OXR1: variants seen among roughly 807,000 people sequenced by gnomAD.
OXR1 encodes the protein oxidation resistance protein 1.
Under a neutral mutation model 104.6 loss-of-function variants are expected in OXR1, and 41 were observed. That is an observed-to-expected ratio of 0.39 (90% CI 0.31 to 0.51). The LOEUF (loss-of-function observed/expected upper bound fraction) is 0.51. Among genes scored for constraint, OXR1 ranks in the 20% least tolerant of loss-of-function variants. The probability of loss-of-function intolerance (pLI) is 0.77; values close to 1 mark genes in which losing one functional copy is unlikely to be tolerated. For missense variants in OXR1, 955 were observed against 1,031.9 expected, an observed-to-expected ratio of 0.93 and a Z score of 1.02; for synonymous variants, 348 against 348.4, an observed-to-expected ratio of 1.00 and a Z score of 0.01.
intron 14 of OXR1, 73 bp downstream of exon 14, chr8:106,740,568 A>G: frequency 8.1e-7 from 1 of 1,241,358 alleles, no homozygotes; most frequent in East Asian, 2.4e-5. Context: ...TATTTATTTG[A>G]TAAACATTAC....
intron 3 of OXR1, among the ~76,000 whole-genome samples, chr8:106,654,549 T>C (rs1462613755): frequency 6.6e-6 from 1 of 152,102 alleles, no homozygotes; most frequent in East Asian, 1.9e-4. Context: ...ATCAAAGACC[T>C]ATATAAGATC....
intron 11 of OXR1, among the ~76,000 whole-genome samples, chr8:106,725,070 A>G (rs1833196147): frequency 6.6e-6 from 1 of 152,134 alleles, no homozygotes; most frequent in Non-Finnish European, 1.5e-5. Flanking sequence ...GTAGAAGAGA[A>G]CTTTCCTGGT....
chr8:106,478,552 G>C (rs944756363), intron 2 of OXR1, among the ~76,000 whole-genome samples: 2 of 151,760 alleles, frequency 1.3e-5, no homozygotes, highest in African/African-American at 4.8e-5. Flanking sequence ...TATAAAAAAG[G>C]ATGAAGTGAA....
chr8:106,448,708 T>C (rs557102847), intron 2 of OXR1, among the ~76,000 whole-genome samples: 1 of 152,308 alleles, frequency 6.6e-6, no homozygotes, highest in East Asian at 1.9e-4. Flanking sequence ...ATTACAGGAA[T>C]AGGCCTCATT....
chr8:106,324,783 T>A (rs1433831336), intron 1 of OXR1, among the ~76,000 whole-genome samples: 2 of 152,108 alleles, frequency 1.3e-5, no homozygotes, highest in Non-Finnish European at 2.9e-5. Flanking sequence ...TTGGGCAAAC[T>A]TTTTTCTGCA....
At chr8:106,563,806 A>C (rs1467086999) in intron 3 of OXR1, among the ~76,000 whole-genome samples, 2 of 152,244 alleles carry the variant, frequency 1.3e-5, no homozygotes, top group Non-Finnish European at 2.9e-5. Flanking sequence ...ACCACAGTGC[A>C]ATCAAATTAG....
At chr8:106,739,211 C>T (rs1171216585) in intron 12 of OXR1, among the ~76,000 whole-genome samples, 1 of 151,978 alleles carries the variant, frequency 6.6e-6, no homozygotes, top group Non-Finnish European at 1.5e-5. Flanking sequence ...GGGGATTTAT[C>T]ATTCCTACCA....
At chr8:106,383,846 A>G (rs1189769138) in intron 2 of OXR1, among the ~76,000 whole-genome samples, 3 of 152,234 alleles carry the variant, frequency 2.0e-5, no homozygotes, top group Non-Finnish European at 4.4e-5. Flanking sequence ...TAGGATTAAA[A>G]AAATCACCAC....
intron 2 of OXR1, among the ~76,000 whole-genome samples, chr8:106,459,807 T>TAA (rs1401450293): frequency 2.0e-5 from 3 of 152,204 alleles, no homozygotes; most frequent in Admixed American, 6.5e-5. Context: ...ACTGTGTACT[T>TAA]ATTCACTAAT....
At chr8:106,684,380 A>G in intron 6 of OXR1, 21 bp downstream of exon 6, 2 of 1,164,190 alleles carry the variant, frequency 1.7e-6, no homozygotes, top group East Asian at 2.3e-5. Flanking sequence ...CTGCTTTGCA[A>G]AGATGGCGAT....
intron 2 of OXR1, among the ~76,000 whole-genome samples, chr8:106,482,994 A>G (rs1187146213): frequency 2.6e-5 from 4 of 152,094 alleles, no homozygotes; most frequent in Non-Finnish European, 5.9e-5. Context: ...AAGTGCTTTG[A>G]AAATTGTCAG....
chr8:106,415,298 A>G (rs1563510950), intron 2 of OXR1, among the ~76,000 whole-genome samples: 1 of 151,946 alleles, frequency 6.6e-6, no homozygotes, highest in Non-Finnish European at 1.5e-5. Flanking sequence ...ATGTTTTGCC[A>G]TTTTTTATTG....
At chr8:106,616,769 C>T (rs972982110) in intron 3 of OXR1, among the ~76,000 whole-genome samples, 1 of 152,184 alleles carries the variant, frequency 6.6e-6, no homozygotes, top group Admixed American at 6.5e-5. Flanking sequence ...ACTTCATCAC[C>T]TTGTACTAAC....
intron 3 of OXR1, among the ~76,000 whole-genome samples, chr8:106,599,501 C>T (rs942133300): frequency 2.0e-5 from 3 of 152,114 alleles, no homozygotes; most frequent in African/African-American, 7.2e-5. Context: ...TTTTGATCCA[C>T]ATGTGTATTG....
Position 106,693,425 on chromosome 8 carries a change from T to TA in OXR1, c.675+548_675+549insA, listed in dbSNP as rs924823612. Among the ~76,000 whole-genome samples the TA allele has an allele frequency of 6.3e-5, 3 of 47,828 alleles. No homozygotes were observed. In the East Asian group the frequency reaches 1.2e-3, roughly 19 times the overall value. 31.4% of individuals were successfully genotyped at this position (47,828 alleles called of 152,430 possible). A position where few individuals can be genotyped will look rare whatever the true frequency, so the allele number is the denominator to read the frequency against. On this transcript the variant is annotated intron_variant, in intron 7 of 16. Transcript: ENST00000517566. ...CCAGAATTCAAACCTAGTCAGAATC[T>TA]TTTTTTTTTTTTTTTTTTTTTGAGA...
intron 2 of OXR1, among the ~76,000 whole-genome samples, chr8:106,421,423 A>G (rs1818901673): frequency 6.6e-6 from 1 of 152,184 alleles, no homozygotes; most frequent in Admixed American, 6.5e-5. Flanking sequence ...TCACATGTCT[A>G]TAGGTTGGCT....
intron 3 of OXR1, among the ~76,000 whole-genome samples, chr8:106,593,721 T>C (rs187605983): frequency 2.0e-4 from 31 of 152,280 alleles, no homozygotes; most frequent in Admixed American, 1.0e-3. Context: ...TCTTGCAGTG[T>C]GCAGAAATCG....
At chr8:106,657,872 G>T in intron 3 of OXR1, 1 of 1,241,564 alleles carries the variant, frequency 8.1e-7, no homozygotes, top group Non-Finnish European at 1.0e-6. Flanking sequence ...TGAGGCGCGC[G>T]GAGCCGCCTC....
At chr8:106,440,267 A>C (rs1370248499) in intron 2 of OXR1, among the ~76,000 whole-genome samples, 1 of 152,090 alleles carries the variant, frequency 6.6e-6, no homozygotes, top group African/African-American at 2.4e-5. Context: ...TGCTTTGAAG[A>C]AAAGAGTGCA....
Sources: allele counts gnomAD v4.1 joint callset (sites outside exome capture counted in the v4.1 genomes callset), GRCh38; gene constraint gnomAD v4.1.1; transcripts MANE v1.5; gene names NCBI Gene and HGNC (gene_info 2026-07-23, HGNC 2026-07-21).